UST: variants seen among roughly 807,000 people sequenced by gnomAD.
UST encodes uronyl 2-sulfotransferase.
A neutral mutation model predicts 45.6 loss-of-function variants in UST; 21 were observed. The observed-to-expected ratio is 0.46, with a 90% CI of 0.33 to 0.66. UST has a LOEUF of 0.66. UST is among the 30% of genes least tolerant of loss of function. UST has a pLI of 0.02. For missense variants in UST, 463 were observed against 512.4 expected (o/e 0.90, Z 0.93); for synonymous variants, 215 against 200.6 (o/e 1.07, Z -0.61).
chr6:148,913,398 A>G (rs1009311150), intron 2 of UST, among the ~76,000 whole-genome samples: 1 of 139,754 alleles, frequency 7.2e-6, no homozygotes, highest in African/African-American at 2.7e-5. Flanking sequence ...AGCAATTTCT[A>G]CAGTCCGTAT....
chr6:148,780,854 A>G (rs1370150266), intron 1 of UST, among the ~76,000 whole-genome samples: 2 of 152,122 alleles, frequency 1.3e-5, no homozygotes, highest in Non-Finnish European at 2.9e-5. Context: ...TCTGTGATGA[A>G]TGATCTTTGG....
intron 1 of UST, among the ~76,000 whole-genome samples, chr6:148,819,894 T>G (rs2114741600): frequency 6.6e-6 from 1 of 152,366 alleles, no homozygotes; most frequent in African/African-American, 2.4e-5. Context: ...ACTCTGCTTC[T>G]GATTTCCTAA....
chr6:148,894,651 G>A (rs1164702256), intron 2 of UST, among the ~76,000 whole-genome samples: 5 of 152,130 alleles, frequency 3.3e-5, no homozygotes, highest in Admixed American at 3.3e-4. Context: ...CACCAAGTTT[G>A]TGGTACTTTG....
chr6:148,910,874 C>T (rs1381246086), intron 2 of UST, among the ~76,000 whole-genome samples: 1 of 152,186 alleles, frequency 6.6e-6, no homozygotes, highest in Non-Finnish European at 1.5e-5. Flanking sequence ...TTAGTCTCAG[C>T]TTCTCAGGGG....
chr6:148,950,698 C>T (rs1003103163), intron 3 of UST, among the ~76,000 whole-genome samples: 1 of 152,192 alleles, frequency 6.6e-6, no homozygotes, highest in Non-Finnish European at 1.5e-5. Flanking sequence ...TCCTCTAGGC[C>T]CTTCCAGACT....
At chr6:148,960,287 C>G (rs2114952030) in intron 4 of UST, among the ~76,000 whole-genome samples, 1 of 152,272 alleles carries the variant, frequency 6.6e-6, no homozygotes, top group South Asian at 2.1e-4. Flanking sequence ...GAAACTCCGT[C>G]TCAAAAATAA....
chr6:149,035,650 T>A (rs943985355), intron 7 of UST, among the ~76,000 whole-genome samples: 4 of 151,844 alleles, frequency 2.6e-5, no homozygotes, highest in African/African-American at 9.7e-5. Flanking sequence ...CCCAGCTATT[T>A]GAGAGGCTGA....
chr6:149,020,373 G>A (rs546140882), intron 6 of UST, among the ~76,000 whole-genome samples: 1 of 152,272 alleles, frequency 6.6e-6, no homozygotes, highest in East Asian at 1.9e-4. Context: ...CAGGTATTGG[G>A]AAGATTTGGG....
At chr6:148,868,799 A>G (rs1180428569) in intron 1 of UST, among the ~76,000 whole-genome samples, 2 of 152,354 alleles carry the variant, frequency 1.3e-5, no homozygotes, top group South Asian at 2.1e-4. Flanking sequence ...CAAGGGCTAC[A>G]TCTTTCAGCA....
intron 5 of UST, among the ~76,000 whole-genome samples, chr6:149,001,588 T>C (rs1781551302): frequency 6.6e-6 from 1 of 152,140 alleles, no homozygotes; most frequent in Non-Finnish European, 1.5e-5. Context: ...TTCAAAGTGT[T>C]GAGATAAAAA....
At chr6:149,062,239 A>C (rs974023712) in intron 7 of UST, among the ~76,000 whole-genome samples, 1 of 152,222 alleles carries the variant, frequency 6.6e-6, no homozygotes, top group Non-Finnish European at 1.5e-5. Context: ...CCTGTGATCC[A>C]AACCTTCTCT....
intron 1 of UST, among the ~76,000 whole-genome samples, chr6:148,797,232 A>G (rs6936324): frequency 0.011 from 1,612 of 152,286 alleles, 20 homozygotes; most frequent in African/African-American, 0.037. Context: ...AGCTATGATC[A>G]CACCACTGCA....
At chr6:149,006,201 G>A (rs1775688870) in intron 5 of UST, among the ~76,000 whole-genome samples, 1 of 152,136 alleles carries the variant, frequency 6.6e-6, no homozygotes, top group African/African-American at 2.4e-5. Flanking sequence ...TAGGTATTAA[G>A]CCCAACATGC....
chr6:148,956,761 C>T (rs985438870), intron 4 of UST, among the ~76,000 whole-genome samples: 2 of 152,200 alleles, frequency 1.3e-5, no homozygotes, highest in African/African-American at 4.8e-5. Context: ...CTATGGATTA[C>T]CTTCTCTCTT....
At chr6:148,995,799 G>A (rs1781442555) in intron 5 of UST, among the ~76,000 whole-genome samples, 1 of 152,250 alleles carries the variant, frequency 6.6e-6, no homozygotes, top group Non-Finnish European at 1.5e-5. Context: ...GCAGAGACTG[G>A]CTGGAGCTGA....
intron 2 of UST, among the ~76,000 whole-genome samples, chr6:148,931,794 GT>G: frequency 6.6e-6 from 1 of 152,286 alleles, no homozygotes; most frequent in South Asian, 2.1e-4. Context: ...ATCCACGTGG[GT>G]TTCTCCACTT....
intron 3 of UST, among the ~76,000 whole-genome samples, chr6:148,942,336 G>A (rs527458580): frequency 6.6e-6 from 1 of 152,080 alleles, no homozygotes; most frequent in Admixed American, 6.5e-5. Context: ...CCTGAGGATC[G>A]AGATCAAGGC....
chr6:148,799,933 TTC>T (rs947494878), intron 1 of UST, among the ~76,000 whole-genome samples: 1 of 152,198 alleles, frequency 6.6e-6, no homozygotes, highest in African/African-American at 2.4e-5. Flanking sequence ...CTCGCCCTCT[TTC>T]TCTCTCTTGT....
intron 3 of UST, among the ~76,000 whole-genome samples, chr6:148,952,704 G>T (rs1462751891): frequency 1.3e-5 from 2 of 152,198 alleles, no homozygotes; most frequent in Non-Finnish European, 2.9e-5. Context: ...TGCTACTGCG[G>T]TTCACATGTG....
Sources: allele counts gnomAD v4.1 joint callset (sites outside exome capture counted in the v4.1 genomes callset), GRCh38; gene constraint gnomAD v4.1.1; transcripts MANE v1.5; gene names NCBI Gene and HGNC (gene_info 2026-07-23, HGNC 2026-07-21).